LRFN5: variants seen among roughly 807,000 people sequenced by gnomAD.
The protein encoded by LRFN5 is leucine-rich repeat and fibronectin type-III domain-containing protein 5.
A neutral mutation model predicts 45.6 loss-of-function variants in LRFN5; 24 were observed. That is an observed-to-expected ratio of 0.53 (90% CI 0.38 to 0.74). The LOEUF is 0.74. Ranked by LOEUF, LRFN5 falls within the 30% of genes least tolerant of loss-of-function variation. LRFN5 has a pLI of 0.00. For synonymous variants in LRFN5, 340 were observed against 313.8 expected, an observed-to-expected ratio of 1.08 and a Z score of -0.88; for missense variants, 776 against 861.5, an observed-to-expected ratio of 0.90 and a Z score of 1.24.
intron 1 of LRFN5, among the ~76,000 whole-genome samples, chr14:41,765,746 T>C (rs144288659): frequency 4.6e-5 from 7 of 152,314 alleles, no homozygotes; most frequent in African/African-American, 1.7e-4. Context: ...GATTGACAGA[T>C]TCAGATAAAT....
chr14:41,660,086 C>A (rs1273050581), intron 1 of LRFN5, among the ~76,000 whole-genome samples: 1 of 152,008 alleles, frequency 6.6e-6, no homozygotes, highest in East Asian at 1.9e-4. Context: ...AATGCAATGG[C>A]ATGATCTTGG....
chr14:41,731,189 C>T (rs1884160289), intron 1 of LRFN5: 1 of 151,988 alleles, frequency 6.6e-6, no homozygotes, highest in African/African-American at 2.4e-5. Flanking sequence ...ACTCTATTTT[C>T]CTTTTGTCCA....
At position 41,904,146 on chromosome 14, in the gene LRFN5, CT is replaced by C. The variant is rs1280196883; in HGVS notation, c.2143-9del. 2.5e-6 allele frequency: 4 copies of C among 1,571,168 alleles called. No individual in the cohort carries two copies. The highest frequency in any genetic ancestry group is 3.5e-5 in the Admixed American group (2 of 57,170). ...CTTTCTTTTTTTCCTTTTTCTTTTT[CT>C]TTCATTTCAGAGGCTGGAGTTAATC... On this transcript the variant is annotated splice_polypyrimidine_tract_variant and intron_variant, in intron 5 of 5. Coordinates refer to ENST00000298119, the MANE Select transcript of LRFN5 (RefSeq NM_152447.5).
At chr14:41,853,202 T>C (rs1266157798) in intron 2 of LRFN5, among the ~76,000 whole-genome samples, 1 of 152,060 alleles carries the variant, frequency 6.6e-6, no homozygotes, top group Non-Finnish European at 1.5e-5. Flanking sequence ...TCAAATAAAT[T>C]GTTCGCTATG....
At chr14:41,889,026 T>TATAC (rs1399300342) in intron 3 of LRFN5, among the ~76,000 whole-genome samples, 1 of 149,802 alleles carries the variant, frequency 6.7e-6, no homozygotes, top group African/African-American at 2.5e-5. Context: ...TGTGTATATA[T>TATAC]ACACATGTAT....
intron 2 of LRFN5, among the ~76,000 whole-genome samples, chr14:41,771,218 GAGGC>G (rs1886075224): frequency 6.7e-6 from 1 of 150,242 alleles, no homozygotes; most frequent in Non-Finnish European, 1.5e-5. Context: ...TCCTCGCCCA[GAGGC>G]CCAGGAGAAT....
chr14:41,832,650 C>T (rs989224682), intron 2 of LRFN5, among the ~76,000 whole-genome samples: 2 of 152,068 alleles, frequency 1.3e-5, no homozygotes, highest in Admixed American at 1.3e-4. Context: ...ACCTTATATT[C>T]GCTATGGGTT....
At chr14:41,617,973 C>T (rs1316069446) in intron 1 of LRFN5, among the ~76,000 whole-genome samples, 2 of 152,108 alleles carry the variant, frequency 1.3e-5, no homozygotes, top group Non-Finnish European at 2.9e-5. Flanking sequence ...TGCTGTGCTA[C>T]TTGTGTAGAC....
At chr14:41,852,905 A>G (rs1478955645) in intron 2 of LRFN5, among the ~76,000 whole-genome samples, 1 of 151,886 alleles carries the variant, frequency 6.6e-6, no homozygotes, top group Non-Finnish European at 1.5e-5. Context: ...CTTCAAATGG[A>G]GGGTATTTTT....
intron 2 of LRFN5, among the ~76,000 whole-genome samples, chr14:41,862,293 T>G (rs1331804544): frequency 2.6e-5 from 4 of 152,232 alleles, no homozygotes; most frequent in African/African-American, 4.8e-5. Flanking sequence ...TTCTACATTA[T>G]TAATTATTTT....
At chr14:41,678,609 T>C (rs1210487570) in intron 1 of LRFN5, among the ~76,000 whole-genome samples, 2 of 152,182 alleles carry the variant, frequency 1.3e-5, no homozygotes, top group African/African-American at 2.4e-5. Flanking sequence ...AAGTGCATAT[T>C]AACAATTCCC....
chr14:41,652,043 A>G (rs115418135), intron 1 of LRFN5, among the ~76,000 whole-genome samples: 1 of 152,238 alleles, frequency 6.6e-6, no homozygotes, highest in African/African-American at 2.4e-5. Flanking sequence ...TTCCAAATAC[A>G]GTCACATTCT....
chr14:41,893,835 C>T, intron 4 of LRFN5: 1 of 985,288 alleles, frequency 1.0e-6, no homozygotes, highest in Non-Finnish European at 1.2e-6. Flanking sequence ...AAAAAGTTTA[C>T]TTTTCACATT....
intron 2 of LRFN5, among the ~76,000 whole-genome samples, chr14:41,876,575 CGTGAGCCACT>C (rs900439231): frequency 2.0e-5 from 3 of 151,942 alleles, no homozygotes; most frequent in Admixed American, 2.0e-4. Context: ...GGATTACAGG[CGTGAGCCACT>C]GTGCCCAGCC....
intron 1 of LRFN5, among the ~76,000 whole-genome samples, chr14:41,747,878 A>G (rs1884984535): frequency 6.6e-6 from 1 of 152,038 alleles, no homozygotes; most frequent in Non-Finnish European, 1.5e-5. Context: ...GAAAAGATAT[A>G]CAGATGGAAA....
intron 2 of LRFN5, among the ~76,000 whole-genome samples, chr14:41,869,688 A>G (rs867408877): frequency 6.6e-6 from 1 of 152,092 alleles, no homozygotes; most frequent in Non-Finnish European, 1.5e-5. Flanking sequence ...TTGGAAGGCT[A>G]AAGGCACATC....
chr14:41,742,318 C>A (rs1884734619), intron 1 of LRFN5, among the ~76,000 whole-genome samples: 1 of 139,612 alleles, frequency 7.2e-6, no homozygotes, highest in African/African-American at 2.9e-5. Flanking sequence ...TGTATACACA[C>A]ACACACACAC....
intron 1 of LRFN5, among the ~76,000 whole-genome samples, chr14:41,685,539 C>T (rs944594787): frequency 2.0e-5 from 3 of 152,112 alleles, no homozygotes; most frequent in Admixed American, 6.5e-5. Flanking sequence ...AATCTTTGCC[C>T]ATGCTTATGT....
At chr14:41,900,629 A>C (rs1204267372) in intron 5 of LRFN5, among the ~76,000 whole-genome samples, 1 of 152,146 alleles carries the variant, frequency 6.6e-6, no homozygotes, top group Non-Finnish European at 1.5e-5. Context: ...AAAGACAAAT[A>C]ATAGTTTTAA....
Sources: gnomAD v4.1 joint callset for allele counts (sites outside exome capture counted in the v4.1 genomes callset) on GRCh38, gnomAD v4.1.1 for gene constraint, MANE v1.5 for transcripts, NCBI Gene and HGNC (gene_info 2026-07-23, HGNC 2026-07-21) for gene names.